ZFAND3: variants seen among roughly 807,000 people sequenced by gnomAD.
ZFAND3 encodes AN1-type zinc finger protein 3.
Under a neutral mutation model 29.6 loss-of-function variants are expected in ZFAND3, and 10 were observed. The observed-to-expected ratio is 0.34, with a 90% CI of 0.21 to 0.57. The LOEUF is 0.57. Among genes scored for constraint, ZFAND3 ranks in the 20% least tolerant of loss-of-function variants. ZFAND3 has a pLI of 0.86. For synonymous variants in ZFAND3, 128 were observed against 112.6 expected, an observed-to-expected ratio of 1.14 and a Z score of -0.87; for missense variants, 230 against 304.5, an observed-to-expected ratio of 0.76 and a Z score of 1.82.
intron 2 of ZFAND3, among the ~76,000 whole-genome samples, chr6:37,946,918 A>G (rs930948956): frequency 1.3e-5 from 2 of 152,266 alleles, no homozygotes; most frequent in Non-Finnish European, 2.9e-5. Flanking sequence ...AAGAAAGTCA[A>G]TTTGGGAAGA....
intron 2 of ZFAND3, among the ~76,000 whole-genome samples, chr6:38,040,322 T>A (rs1358384416): frequency 2.0e-5 from 3 of 152,192 alleles, no homozygotes; most frequent in African/African-American, 7.2e-5. Context: ...TAACAATGCT[T>A]AACTATACAG....
chr6:38,010,358 C>T (rs1259968139), intron 2 of ZFAND3, among the ~76,000 whole-genome samples: 1 of 152,160 alleles, frequency 6.6e-6, no homozygotes, highest in Non-Finnish European at 1.5e-5. Context: ...TTTTTCCCCC[C>T]TTACCATCCT....
At chr6:38,065,987 A>G (rs202081171) in intron 3 of ZFAND3, among the ~76,000 whole-genome samples, 1 of 152,142 alleles carries the variant, frequency 6.6e-6, no homozygotes, top group East Asian at 1.9e-4. Context: ...TTGACTACAT[A>G]TGTCTCTCCC....
At chr6:38,042,007 T>TGG (rs1032564313) in intron 2 of ZFAND3, among the ~76,000 whole-genome samples, 3 of 148,720 alleles carry the variant, frequency 2.0e-5, no homozygotes, top group Non-Finnish European at 4.5e-5. Flanking sequence ...GGCTTTTTTT[T>TGG]GGGGGGGAGG....
At chr6:38,047,993 TTGTG>T (rs1355319362) in intron 2 of ZFAND3, among the ~76,000 whole-genome samples, 1 of 151,574 alleles carries the variant, frequency 6.6e-6, no homozygotes, top group African/African-American at 2.4e-5. Flanking sequence ...TTTTTACTTT[TTGTG>T]TGTGTTTGTT....
intron 5 of ZFAND3, among the ~76,000 whole-genome samples, chr6:38,120,313 T>C (rs986353943): frequency 5.0e-4 from 71 of 142,218 alleles, no homozygotes; most frequent in South Asian, 1.6e-3. Context: ...ACACGTAGCT[T>C]GGCTTCCTTT....
At chr6:38,126,802 CTATT>C (rs59228904) in intron 5 of ZFAND3, among the ~76,000 whole-genome samples, 4,902 of 152,144 alleles carry the variant, frequency 0.032, 324 homozygotes, top group East Asian at 0.28. Context: ...ATATGTCTCT[CTATT>C]TAGGTGTTTC....
intron 4 of ZFAND3, among the ~76,000 whole-genome samples, chr6:38,106,162 T>C (rs1765204886): frequency 6.6e-6 from 1 of 152,016 alleles, no homozygotes; most frequent in Non-Finnish European, 1.5e-5. Flanking sequence ...TTCTTTTTTT[T>C]TTTTTGGAGA....
At position 38,096,258 on chromosome 6, in the gene ZFAND3, C is replaced by T. The variant is rs750103166; in HGVS notation, c.361+13801C>T. 1.6e-4 allele frequency among the ~76,000 whole-genome samples: 24 copies of T among 151,838 alleles called. 1 individual carries two copies. Among genetic ancestry groups the T allele is most frequent in the Admixed American group, 3.3e-4 (5 of 15,246 alleles). On this transcript the variant is annotated intron_variant, in intron 4 of 5. Transcript: ENST00000287218. ...TGTGATCTTGGCTCACTGCAACCTCCGCCTCTCGGGTTTAAGCGATTCTCC... is the reference window on the plus strand; with the variant it reads ...TGTGATCTTGGCTCACTGCAACCTCTGCCTCTCGGGTTTAAGCGATTCTCC...
chr6:38,037,942 T>G (rs1422852786), intron 2 of ZFAND3, among the ~76,000 whole-genome samples: 1 of 152,200 alleles, frequency 6.6e-6, no homozygotes, highest in Non-Finnish European at 1.5e-5. Flanking sequence ...GAGTGACTTT[T>G]CCTTCACATG....
In ZFAND3 at chr6:37,957,520, G is replaced by A. The variant is rs115078689; in HGVS notation, c.112+27521G>A. Among the ~76,000 whole-genome samples, 864 of 151,806 alleles carry A rather than the reference G, an allele frequency of 5.7e-3. 7 individuals carry two copies. Among genetic ancestry groups the A allele is most frequent in the African/African-American group, 0.02 (829 of 41,372 alleles). On this transcript the variant is annotated intron_variant, in intron 2 of 5. Coordinates refer to ENST00000287218, the MANE Select transcript of ZFAND3 (RefSeq NM_021943.3). ...TATACATGTAAGTTGTTTCTTATTA[G>A]GTACAGTGTAATAAAATATATTGGT...
At chr6:37,896,610 T>TC (rs1561926086) in intron 1 of ZFAND3, among the ~76,000 whole-genome samples, 5 of 146,204 alleles carry the variant, frequency 3.4e-5, no homozygotes, top group African/African-American at 1.3e-4. Flanking sequence ...CTCTCTCTCT[T>TC]TCTTTCTTTT....
intron 2 of ZFAND3, among the ~76,000 whole-genome samples, chr6:38,033,328 A>AT (rs772999742): frequency 2.6e-5 from 4 of 152,058 alleles, no homozygotes; most frequent in Non-Finnish European, 5.9e-5. Context: ...AATCTTCATT[A>AT]TTTTTTTAAA....
intron 4 of ZFAND3, among the ~76,000 whole-genome samples, chr6:38,085,138 G>A (rs1475977515): frequency 6.6e-6 from 1 of 152,162 alleles, no homozygotes; most frequent in Non-Finnish European, 1.5e-5. Context: ...TATTTTGCTG[G>A]AATGTTCTTT....
At chr6:38,101,913 C>A (rs1015792851) in intron 4 of ZFAND3, among the ~76,000 whole-genome samples, 5 of 151,670 alleles carry the variant, frequency 3.3e-5, no homozygotes, top group Non-Finnish European at 7.4e-5. Context: ...TTAATTTTAG[C>A]ATCTACTCAG....
At chr6:38,125,339 C>T (rs887741357) in intron 5 of ZFAND3, among the ~76,000 whole-genome samples, 6 of 152,170 alleles carry the variant, frequency 3.9e-5, no homozygotes, top group Non-Finnish European at 5.9e-5. Flanking sequence ...TTACTGAACA[C>T]GAACTCCATG....
At chr6:37,861,864 G>T (rs1297929801) in intron 1 of ZFAND3, among the ~76,000 whole-genome samples, 1 of 152,150 alleles carries the variant, frequency 6.6e-6, no homozygotes, top group Non-Finnish European at 1.5e-5. Context: ...TTAGAGCCTT[G>T]TAAGCTTATT....
intron 3 of ZFAND3, among the ~76,000 whole-genome samples, 190 bp downstream of exon 3, chr6:38,061,965 C>T (rs966642672): frequency 9.8e-5 from 15 of 152,286 alleles, no homozygotes; most frequent in Admixed American, 3.3e-4. Flanking sequence ...CCTTTTATAC[C>T]GTCAAAGTAC....
chr6:38,103,666 C>T (rs1765152777), intron 4 of ZFAND3, among the ~76,000 whole-genome samples: 1 of 152,054 alleles, frequency 6.6e-6, no homozygotes. Flanking sequence ...TCTATCTAGT[C>T]TTAACACTGT....
Sources: allele counts gnomAD v4.1 joint callset (sites outside exome capture counted in the v4.1 genomes callset), GRCh38; gene constraint gnomAD v4.1.1; transcripts MANE v1.5; gene names NCBI Gene and HGNC (gene_info 2026-07-23, HGNC 2026-07-21).